Variants in SCARA3 observed in about 807,000 individuals in gnomAD.
SCARA3 encodes scavenger receptor class A member 3, also known as cellular stress response gene protein.
In SCARA3, 39 loss-of-function variants were observed where a neutral mutation model predicts 47.0. The observed-to-expected ratio is 0.83, with a 90% CI of 0.64 to 1.08. The LOEUF is 1.08. Among genes scored for constraint, SCARA3 ranks in the 50% least tolerant of loss-of-function variants. The probability of loss-of-function intolerance (pLI) is 0.00; values close to 1 mark genes in which losing one functional copy is unlikely to be tolerated. For synonymous variants in SCARA3, 356 were observed against 334.1 expected (o/e 1.07, Z -0.71); for missense variants, 724 against 792.3 (o/e 0.91, Z 1.04).
chr8:27,652,056 C>G (rs912526823), intron 3 of SCARA3, among the ~76,000 whole-genome samples: 5 of 152,234 alleles, frequency 3.3e-5, no homozygotes, highest in African/African-American at 4.8e-5. Context: ...TCTAAGCCCC[C>G]TTTTATGGTC....
chr8:27,728,639 G>A, the SCARA3 span, among the ~76,000 whole-genome samples: 3 of 152,226 alleles, frequency 2.0e-5, no homozygotes, highest in Non-Finnish European at 4.4e-5. Context: ...ACCAGGAGGT[G>A]AGCTGAAGTT....
intron 1 of SCARA3, among the ~76,000 whole-genome samples, chr8:27,634,752 G>T (rs73560246): frequency 2.6e-5 from 4 of 152,294 alleles, no homozygotes; most frequent in African/African-American, 9.6e-5. Flanking sequence ...ACCTCCTTGG[G>T]AGGAAGCCGC....
the SCARA3 span, among the ~76,000 whole-genome samples, chr8:27,723,629 A>G: frequency 6.6e-6 from 1 of 152,172 alleles, no homozygotes; most frequent in African/African-American, 2.4e-5. Context: ...GGCCCAGATG[A>G]CGGACACCCC....
At chr8:27,727,979 T>G in the SCARA3 span, among the ~76,000 whole-genome samples, 1 of 152,222 alleles carries the variant, frequency 6.6e-6, no homozygotes, top group African/African-American at 2.4e-5. Flanking sequence ...AGGAGCCTTC[T>G]GGAACTTGGC....
At chr8:27,716,529 T>C in the SCARA3 span, among the ~76,000 whole-genome samples, 389 of 152,168 alleles carry the variant, frequency 2.6e-3, 15 homozygotes, top group East Asian at 0.063. Flanking sequence ...AATTTGAGCA[T>C]CAAAAATTCA....
the SCARA3 span, among the ~76,000 whole-genome samples, chr8:27,718,181 C>T: frequency 4.6e-5 from 7 of 152,260 alleles, no homozygotes; most frequent in Non-Finnish European, 7.3e-5. Context: ...GCTACCTTCT[C>T]TGTGGAAAAC....
At chr8:27,644,978 C>T (rs962775336) in intron 1 of SCARA3, among the ~76,000 whole-genome samples, 4 of 152,196 alleles carry the variant, frequency 2.6e-5, no homozygotes, top group Non-Finnish European at 5.9e-5. Context: ...TATGATGTCC[C>T]TTGTTCTGTT....
chr8:27,679,092 A>G (rs749594837), downstream of SCARA3, among the ~76,000 whole-genome samples: 2 of 152,048 alleles, frequency 1.3e-5, no homozygotes, highest in African/African-American at 4.8e-5. Flanking sequence ...GTTGTTGCTT[A>G]TATTTTATTG....
chr8:27,716,342 G>T, the SCARA3 span, among the ~76,000 whole-genome samples: 1 of 151,406 alleles, frequency 6.6e-6, no homozygotes, highest in Admixed American at 6.6e-5. Context: ...TATATATAAA[G>T]AACCAGGAAT....
At chr8:27,636,059 A>T (rs1801243227) in intron 1 of SCARA3, among the ~76,000 whole-genome samples, 1 of 152,138 alleles carries the variant, frequency 6.6e-6, no homozygotes, top group South Asian at 2.1e-4. Flanking sequence ...AGCCCTAGGG[A>T]GCACCTGGCA....
At chr8:27,676,651 G>T (rs374349708), downstream of SCARA3, 1 of 1,146,938 alleles carries the variant, frequency 8.7e-7, no homozygotes, top group Non-Finnish European at 1.3e-6. Context: ...ATTTGAAAAT[G>T]AATTTGTTTA....
At chr8:27,719,536 T>G in the SCARA3 span, among the ~76,000 whole-genome samples, 77 of 130,360 alleles carry the variant, frequency 5.9e-4, no homozygotes, top group Non-Finnish European at 9.8e-4. Context: ...AAAATAAAAG[T>G]TAAAAAAAAA....
intron 1 of SCARA3, among the ~76,000 whole-genome samples, chr8:27,646,980 C>T (rs1170408840): frequency 5.3e-5 from 6 of 113,212 alleles, no homozygotes; most frequent in East Asian, 4.2e-4. Flanking sequence ...CCGCCCCCCC[C>T]CCGCACACAC....
At chr8:27,654,659 AC>A (rs1801703024) in intron 3 of SCARA3, among the ~76,000 whole-genome samples, 1 of 151,370 alleles carries the variant, frequency 6.6e-6, no homozygotes, top group African/African-American at 2.5e-5. Context: ...TCCTGGCGGC[AC>A]ATGCCAGTAG....
chr8:27,706,865 T>C, the SCARA3 span, among the ~76,000 whole-genome samples: 1 of 152,204 alleles, frequency 6.6e-6, no homozygotes, highest in South Asian at 2.1e-4. Flanking sequence ...CACAGAGCTC[T>C]GAAGTAGCTC....
the SCARA3 span, among the ~76,000 whole-genome samples, chr8:27,692,994 T>C: frequency 6.6e-6 from 1 of 151,814 alleles, no homozygotes; most frequent in Non-Finnish European, 1.5e-5. Flanking sequence ...GGTATGGTGC[T>C]GTGCACTTGT....
chr8:27,673,049 C>G (rs1251890872), downstream of SCARA3: 1 of 964,066 alleles, frequency 1.0e-6, no homozygotes. Flanking sequence ...TTCTGCCTGA[C>G]TTGGGGGCAT....
chr8:27,718,537 T>G, the SCARA3 span, among the ~76,000 whole-genome samples: 4 of 152,230 alleles, frequency 2.6e-5, no homozygotes, highest in African/African-American at 9.6e-5. Flanking sequence ...TCCAGCTCCA[T>G]GGTTTTTAGA....
intron 1 of SCARA3, among the ~76,000 whole-genome samples, chr8:27,644,846 G>A (rs866887776): frequency 3.3e-5 from 5 of 152,096 alleles, no homozygotes; most frequent in Admixed American, 1.3e-4. Flanking sequence ...AAGAACCAGC[G>A]CCTTACTTTA....
Sources: gnomAD v4.1 joint callset for allele counts (sites outside exome capture counted in the v4.1 genomes callset) on GRCh38, gnomAD v4.1.1 for gene constraint, MANE v1.5 for transcripts, NCBI Gene and HGNC (gene_info 2026-07-23, HGNC 2026-07-21) for gene names.